Variants in RARB observed in about 807,000 individuals in gnomAD.
RARB encodes HBV-activated protein.
Under a neutral mutation model 51.9 loss-of-function variants are expected in RARB, and 17 were observed. That is an observed-to-expected ratio of 0.33 (90% confidence interval 0.22 to 0.49). The LOEUF (loss-of-function observed/expected upper bound fraction) is 0.49. Ranked by LOEUF, RARB falls within the 20% of genes least tolerant of loss-of-function variation. The probability of loss-of-function intolerance (pLI) is 0.99; values close to 1 mark genes in which losing one functional copy is unlikely to be tolerated. For synonymous variants in RARB, 215 were observed against 195.4 expected, an observed-to-expected ratio of 1.10 and a Z score of -0.84; for missense variants, 369 against 550.8, an observed-to-expected ratio of 0.67 and a Z score of 3.30.
At chr3:25,560,214 T>C (rs1700217013) in intron 3 of RARB, among the ~76,000 whole-genome samples, 2 of 152,302 alleles carry the variant, frequency 1.3e-5, no homozygotes, top group South Asian at 4.1e-4. Context: ...AAGAATCACT[T>C]AGGGGTATAT....
intron 1 of RARB, among the ~76,000 whole-genome samples, chr3:25,457,417 T>C (rs375605663): frequency 6.6e-6 from 1 of 152,240 alleles, no homozygotes; most frequent in African/African-American, 2.4e-5. Flanking sequence ...CCTAGAATTA[T>C]TGGTGAAATC....
At chr3:24,928,938 A>C (rs1251379433) in intron 2 of RARB, among the ~76,000 whole-genome samples, 1 of 152,062 alleles carries the variant, frequency 6.6e-6, no homozygotes, top group Non-Finnish European at 1.5e-5. Flanking sequence ...AAACTTTGAA[A>C]CAGAAAAGAA....
chr3:24,975,934 A>C (rs1271768837), intron 2 of RARB, among the ~76,000 whole-genome samples: 1 of 152,152 alleles, frequency 6.6e-6, no homozygotes, highest in Non-Finnish European at 1.5e-5. Context: ...TCCACCCAAC[A>C]ACAGGCCCCA....
At chr3:25,453,629 C>G (rs888139681) in intron 1 of RARB, among the ~76,000 whole-genome samples, 24 of 152,256 alleles carry the variant, frequency 1.6e-4, no homozygotes, top group Admixed American at 1.6e-3. Flanking sequence ...TTATTAAAGA[C>G]TCAAAACCAA....
chr3:25,252,672 C>T (rs745702098), intron 5 of RARB, among the ~76,000 whole-genome samples: 66 of 152,190 alleles, frequency 4.3e-4, no homozygotes, highest in Non-Finnish European at 8.1e-4. Context: ...TATAGAACTA[C>T]AATTGGCTTT....
At chr3:25,485,525 C>T (rs913871926) in intron 2 of RARB, among the ~76,000 whole-genome samples, 1 of 151,990 alleles carries the variant, frequency 6.6e-6, no homozygotes, top group Non-Finnish European at 1.5e-5. Flanking sequence ...TGGTGTTTTG[C>T]ATTAAACAGT....
At chr3:25,388,643 G>A (rs1706862203) in intron 5 of RARB, among the ~76,000 whole-genome samples, 2 of 152,170 alleles carry the variant, frequency 1.3e-5, no homozygotes, top group South Asian at 4.1e-4. Flanking sequence ...AAATTAAGTA[G>A]TATTTGATAC....
chr3:25,043,990 G>A (rs1698163911), intron 2 of RARB, among the ~76,000 whole-genome samples: 1 of 152,002 alleles, frequency 6.6e-6, no homozygotes, highest in African/African-American at 2.4e-5. Flanking sequence ...CTCCTGACTG[G>A]TGGATTGAGG....
intron 3 of RARB, among the ~76,000 whole-genome samples, chr3:25,126,110 G>A (rs548052687): frequency 1.3e-5 from 2 of 152,262 alleles, no homozygotes; most frequent in African/African-American, 2.4e-5. Context: ...TCTAGTGTGT[G>A]TGATATATTG....
chr3:24,980,496 A>G (rs1251593544), intron 2 of RARB, among the ~76,000 whole-genome samples: 1 of 151,950 alleles, frequency 6.6e-6, no homozygotes. Context: ...TTGTCTTCTC[A>G]CTTTATTTAA....
chr3:25,367,829 A>AAC (rs1706173094), intron 5 of RARB, among the ~76,000 whole-genome samples: 1 of 149,234 alleles, frequency 6.7e-6, no homozygotes, highest in Non-Finnish European at 1.5e-5. Flanking sequence ...AAAAAAAAAC[A>AAC]AAAACAAAAC....
intron 5 of RARB, among the ~76,000 whole-genome samples, chr3:25,247,351 C>T (rs924653943): frequency 6.6e-6 from 1 of 152,164 alleles, no homozygotes; most frequent in African/African-American, 2.4e-5. Context: ...GCTGGTGTTC[C>T]AGGTGCCACT....
At chr3:24,934,136 G>A (rs1171008671) in intron 2 of RARB, among the ~76,000 whole-genome samples, 1 of 152,090 alleles carries the variant, frequency 6.6e-6, no homozygotes, top group Non-Finnish European at 1.5e-5. Flanking sequence ...GAGGTTTTGT[G>A]TTCATCATGA....
chr3:25,102,306 C>T (rs967987667), intron 3 of RARB, among the ~76,000 whole-genome samples: 3 of 151,756 alleles, frequency 2.0e-5, no homozygotes, highest in Admixed American at 6.6e-5. Flanking sequence ...TTTGGGAAGC[C>T]GAGGCAGGTT....
chr3:24,894,204 G>A (rs1405434406), intron 2 of RARB, among the ~76,000 whole-genome samples: 2 of 151,934 alleles, frequency 1.3e-5, no homozygotes, highest in Non-Finnish European at 2.9e-5. Flanking sequence ...GGGTACAAAT[G>A]ATCCTATCAC....
At chr3:25,337,319 T>G (rs960488677) in intron 5 of RARB, among the ~76,000 whole-genome samples, 1 of 152,176 alleles carries the variant, frequency 6.6e-6, no homozygotes, top group Non-Finnish European at 1.5e-5. Flanking sequence ...AACATGATTC[T>G]CCAATTCAGA....
intron 4 of RARB, among the ~76,000 whole-genome samples, chr3:25,575,779 T>G (rs180785123): frequency 6.6e-6 from 1 of 152,326 alleles, no homozygotes; most frequent in Admixed American, 6.5e-5. Flanking sequence ...TATTTTCAAA[T>G]AGCGTCACAT....
At chr3:25,210,817 G>A (rs1701678340) in intron 5 of RARB, among the ~76,000 whole-genome samples, 1 of 151,976 alleles carries the variant, frequency 6.6e-6, no homozygotes, top group South Asian at 2.1e-4. Flanking sequence ...TTACAGGCAT[G>A]AGCCACCATG....
At chr3:25,055,422 C>G (rs74617668) in intron 2 of RARB, among the ~76,000 whole-genome samples, 1 of 152,026 alleles carries the variant, frequency 6.6e-6, no homozygotes, top group Non-Finnish European at 1.5e-5. Context: ...ACTGAGGGCC[C>G]TTAAGAATTG....
Sources: gnomAD v4.1 joint callset for allele counts (sites outside exome capture counted in the v4.1 genomes callset) on GRCh38, gnomAD v4.1.1 for gene constraint, MANE v1.5 for transcripts, NCBI Gene and HGNC (gene_info 2026-07-23, HGNC 2026-07-21) for gene names.